The following PCDHA4 variants were observed in gnomAD, a reference collection of about 807,000 sequenced individuals.
The protein encoded by PCDHA4 is protocadherin alpha 4.
In PCDHA4, 49 loss-of-function variants were observed where a neutral mutation model predicts 61.4. The observed-to-expected ratio is 0.80, with a 90% CI of 0.63 to 1.01. PCDHA4 has a LOEUF of 1.01. PCDHA4 is among the 50% of genes least tolerant of loss of function. The pLI is 0.00. For missense variants in PCDHA4, 1,254 were observed against 1,235.8 expected (o/e 1.01, Z -0.22); for synonymous variants, 590 against 550.3 (o/e 1.07, Z -1.01).
At chr5:140,845,439 T>C (rs965524315) in intron 1 of PCDHA4, among the ~76,000 whole-genome samples, 1 of 149,744 alleles carries the variant, frequency 6.7e-6, no homozygotes, top group Non-Finnish European at 1.5e-5. Flanking sequence ...ATTTTAGTTC[T>C]GTTTTTCTTC....
intron 1 of PCDHA4, chr5:140,814,870 A>G (rs1246667787): frequency 2.6e-5 from 4 of 152,220 alleles, no homozygotes; most frequent in South Asian, 4.2e-4. Flanking sequence ...AGGTGTTTTA[A>G]TGTTGGGTGC....
At position 140,830,439 on chromosome 5, in the gene PCDHA4, T is replaced by A. The variant is rs1771065522; in HGVS notation, c.2385+20867T>A. On this transcript the variant is annotated intron_variant, in intron 1 of 3. Coordinates refer to ENST00000530339, the MANE Select transcript of PCDHA4 (RefSeq NM_018907.4). ...AGCCTTTCACCTTGTCCTATTATGA[T>A]GGGTAAGGCGGAGAATCAGGATTTA... 1.9e-6 allele frequency: 3 copies of A among 1,611,160 alleles called. No individual in the cohort carries two copies. In the East Asian group the frequency reaches 6.7e-5, roughly 36 times the overall value.
At chr5:140,865,190 C>T (rs976709711) in intron 1 of PCDHA4, 3 of 152,106 alleles carry the variant, frequency 2.0e-5, no homozygotes, top group Admixed American at 1.3e-4. Flanking sequence ...TGCCTTCACA[C>T]CATATTAATG....
intron 1 of PCDHA4, among the ~76,000 whole-genome samples, chr5:140,938,314 T>C (rs1026606524): frequency 2.0e-5 from 3 of 152,220 alleles, no homozygotes; most frequent in Non-Finnish European, 2.9e-5. Flanking sequence ...AGTATAAAAT[T>C]GAATAGAAGT....
At chr5:140,829,447 T>G (rs2150168122) in intron 1 of PCDHA4, 1 of 1,613,912 alleles carries the variant, frequency 6.2e-7, no homozygotes, top group Non-Finnish European at 8.5e-7. Context: ...ATGACAATGC[T>G]CCGGCGTTCG....
chr5:140,862,807 C>T (rs782675641), intron 1 of PCDHA4: 1 of 572,850 alleles, frequency 1.7e-6, no homozygotes, highest in East Asian at 4.7e-5. Context: ...GGAGCTGCTG[C>T]AGTTCTAGGT....
intron 1 of PCDHA4, among the ~76,000 whole-genome samples, chr5:140,872,949 C>T (rs547023229): frequency 2.0e-5 from 3 of 152,234 alleles, no homozygotes; most frequent in African/African-American, 2.4e-5. Context: ...TTTCTTTCCA[C>T]GTAGTATCAT....
rs1359439804 is a variant in PCDHA4 at position 140,846,369 on chromosome 5, CTTTCTTTTTT to C, written c.2385+36801_2385+36810del. ...TTCTCTTTTTTCTTTTCTTTTCTTTCTTTCTTTTTTTTTTTTTTTTTTTGAGACGGAGTCT... is the reference window on the plus strand; with the variant it reads ...TTCTCTTTTTTCTTTTCTTTTCTTTCTTTTTTTTTTTTTGAGACGGAGTCT... On this transcript the variant is annotated intron_variant, in intron 1 of 3. Coordinates refer to ENST00000530339, the MANE Select transcript of PCDHA4 (RefSeq NM_018907.4). 7.0e-4 allele frequency among the ~76,000 whole-genome samples: 72 copies of C among 102,178 alleles called. 4 individuals are homozygous for C. The highest frequency in any genetic ancestry group is 2.6e-3 in the African/African-American group (68 of 26,232). The allele number at this position is 102,178 out of a possible 152,430, so 67.0% of individuals were successfully genotyped here.
At chr5:140,836,226 G>A (rs2150255881) in intron 1 of PCDHA4, 3 of 1,613,708 alleles carry the variant, frequency 1.9e-6, no homozygotes, top group Admixed American at 1.7e-5. Flanking sequence ...GCAACCGGTG[G>A]CGGCCGGTGC....
chr5:140,971,547 C>T (rs904044424), intron 1 of PCDHA4, among the ~76,000 whole-genome samples: 3 of 152,074 alleles, frequency 2.0e-5, no homozygotes, highest in Non-Finnish European at 4.4e-5. Flanking sequence ...GCCAGATCAA[C>T]CTGTTAAATT....
chr5:140,843,344 G>C lies in PCDHA4; in HGVS notation c.2385+33772G>C, dbSNP rs201264675. ...GGTGTCGCTGGTGGAGAGCGGCCAGGCTCCAAAAGCGTCATCGAGGCAGTC... is the reference window on the plus strand; with the variant it reads ...GGTGTCGCTGGTGGAGAGCGGCCAGCCTCCAAAAGCGTCATCGAGGCAGTC... On this transcript the variant is annotated intron_variant, in intron 1 of 3. Transcript: ENST00000530339. The C allele has an allele frequency of 3.6e-5, 58 of 1,595,962 alleles. 5 individuals carry two copies. Among genetic ancestry groups the C allele is most frequent in the Non-Finnish European group, 4.3e-5 (50 of 1,165,608 alleles).
intron 1 of PCDHA4, chr5:140,875,581 G>A (rs1158750138): frequency 6.8e-6 from 11 of 1,613,944 alleles, no homozygotes; most frequent in African/African-American, 4.0e-5. Context: ...CTCCGTCTAC[G>A]AGGAGGCCAA....
intron 1 of PCDHA4, chr5:140,856,667 C>T: frequency 6.3e-7 from 1 of 1,597,938 alleles, no homozygotes; most frequent in Non-Finnish European, 8.6e-7. Context: ...AAATCCTCAG[C>T]TAAAGTTGTT....
At chr5:140,848,426 G>A in intron 1 of PCDHA4, 1 of 1,449,988 alleles carries the variant, frequency 6.9e-7, no homozygotes, top group Non-Finnish European at 9.4e-7. Context: ...GAATGGGACT[G>A]ACGAAATCAG....
In PCDHA4 at chr5:140,808,076, C is replaced by A; in HGVS notation, c.889C>A (p.Pro297Thr). The A allele has an allele frequency of 1.9e-6, 3 of 1,613,940 alleles. No homozygotes were observed. The highest frequency in any genetic ancestry group is 2.5e-6 in the Non-Finnish European group (3 of 1,179,894). ...TGTGAAATCCAAGTTTCACATAGAT[C>A]CAATTACTGGACAAATTATTGTAAA... ...PNVKSKFHID[P>T]ITGQIIVKGY... is the part of the protein sequence containing the mutation. Residue 297 changes from proline to threonine, a missense_variant, in exon 1 of 4, where the codon CCA (proline) becomes ACA (threonine). Physicochemically the swap from Pro to Thr is conservative, Grantham distance 38. Transcript: ENST00000530339.
intron 1 of PCDHA4, chr5:140,814,859 T>C (rs2126659570): frequency 1.3e-5 from 2 of 152,334 alleles, no homozygotes; most frequent in Admixed American, 6.5e-5. Context: ...CTCATATATT[T>C]AGGTGTTTTA....
At chr5:140,842,814 G>C (rs1581016277) in intron 1 of PCDHA4, 1 of 1,593,900 alleles carries the variant, frequency 6.3e-7, no homozygotes, top group African/African-American at 1.3e-5. Context: ...GTGGAGCGGC[G>C]GGTGGGCGAG....
At chr5:140,870,590 G>A (rs1238282556) in intron 1 of PCDHA4, 3 of 1,613,446 alleles carry the variant, frequency 1.9e-6, no homozygotes, top group Non-Finnish European at 2.5e-6. Flanking sequence ...CTGGTGGAGC[G>A]GCGGTTGGGC....
intron 1 of PCDHA4, among the ~76,000 whole-genome samples, chr5:140,839,285 T>C (rs2150296208): frequency 2.0e-5 from 3 of 152,170 alleles, no homozygotes; most frequent in East Asian, 3.9e-4. Flanking sequence ...CTTCCTAGCA[T>C]ATTATTAAAG....
Sources: gnomAD v4.1 joint callset for allele counts (sites outside exome capture counted in the v4.1 genomes callset) on GRCh38, gnomAD v4.1.1 for gene constraint, MANE v1.5 for transcripts, NCBI Gene and HGNC (gene_info 2026-07-23, HGNC 2026-07-21) for gene names.